Variants in KLRF2 observed in about 807,000 individuals in gnomAD.
KLRF2 encodes killer cell lectin-like receptor subfamily F member 2.
A neutral mutation model predicts 25.3 loss-of-function variants in KLRF2; 28 were observed. That is an observed-to-expected ratio of 1.11 (90% confidence interval 0.82 to 1.52). The LOEUF is 1.52. Among genes scored for constraint, KLRF2 ranks in the 40% most tolerant of loss-of-function variants. The pLI is 0.00. For missense variants in KLRF2, 265 were observed against 245.8 expected (o/e 1.08, Z -0.52); for synonymous variants, 73 against 85.0 (o/e 0.86, Z 0.78).
rs755840727 is a variant in KLRF2 at position 9,888,735 on chromosome 12, A to T, written c.172A>T (p.Lys58Ter). 2 of 1,487,020 alleles carry T rather than the reference A, an allele frequency of 1.3e-6. No individual in the cohort carries two copies. Among genetic ancestry groups the T allele is most frequent in the African/African-American group, 1.4e-5 (1 of 72,302 alleles). 92.1% of individuals were successfully genotyped at this position (1,487,020 alleles called of 1,614,324 possible). The stretch of plus-strand genomic sequence containing the variant: ...TCTTTTCTTTGCACTGAGTACAGAT[A>T]AAAAAATGGATTTCTCCCAGAATGT... ...MTGIDLKFWH[K>*]KMDFSQNVNV... The change falls in exon 3 of 6, where the codon AAA becomes TAA. Residue 58 changes from lysine (K) to a stop codon, truncating the protein, a stop_gained and splice_region_variant. Coordinates refer to ENST00000535540, the MANE Select transcript of KLRF2 (RefSeq NM_001190765.1). LOFTEE classifies it high-confidence loss of function.
intron 3 of KLRF2, among the ~76,000 whole-genome samples, chr12:9,892,688 G>A (rs368336944): frequency 6.8e-6 from 1 of 148,028 alleles, no homozygotes; most frequent in Non-Finnish European, 1.5e-5. Flanking sequence ...AGGTTCAAGC[G>A]ATTCTCCTGC....
intron 3 of KLRF2, among the ~76,000 whole-genome samples, chr12:9,889,754 C>T (rs1862651750): frequency 6.6e-6 from 1 of 151,560 alleles, no homozygotes. Context: ...TACGGTAATA[C>T]AGTGTGGAGG....
At position 9,886,115 on chromosome 12, in the gene KLRF2, G is replaced by T. The variant is rs554517629; in HGVS notation, c.169+1083G>T. 3.9e-5 allele frequency among the ~76,000 whole-genome samples: 6 copies of T among 152,160 alleles called. No homozygotes were observed. In the South Asian group the frequency reaches 1.2e-3, roughly 31 times the overall value. On this transcript the variant is annotated intron_variant, in intron 2 of 5. Coordinates refer to ENST00000535540, the MANE Select transcript of KLRF2 (RefSeq NM_001190765.1). ...TTTTAAAGAAAAACGCTATTGAGAA[G>T]AAATCAATGAAATTTGACATGTTGA...
intron 2 of KLRF2, among the ~76,000 whole-genome samples, chr12:9,885,646 T>TATTGGGCA (rs1862585934): frequency 6.6e-6 from 1 of 152,012 alleles, no homozygotes; most frequent in South Asian, 2.1e-4. Context: ...TCCATATTTG[T>TATTGGGCA]ATTGGGCAAT....
intron 3 of KLRF2, among the ~76,000 whole-genome samples, chr12:9,889,484 A>T (rs946378494): frequency 6.6e-6 from 1 of 152,146 alleles, no homozygotes; most frequent in Non-Finnish European, 1.5e-5. Flanking sequence ...AGGTCCCCAA[A>T]GGAAGAGGAA....
chr12:9,881,624 T>A lies in KLRF2; in HGVS notation c.29T>A (p.Leu10Gln). Residue 10 changes from leucine (L) to glutamine (Q), a missense_variant, in exon 1 of 6, where the codon CTG (leucine) becomes CAG (glutamine). Leu to Gln is a moderately radical substitution (Grantham distance 113). Coordinates refer to ENST00000535540, the MANE Select transcript of KLRF2 (RefSeq NM_001190765.1). ...GAGAATGAAGATGGGTATATGACGCTGAGTTTCAAGAATCGTTGTAAATCG... is the reference window on the plus strand; with the variant it reads ...GAGAATGAAGATGGGTATATGACGCAGAGTTTCAAGAATCGTTGTAAATCG... MENEDGYMT[L>Q]SFKNRCKSKQ... is the part of the protein sequence containing the mutation. 1 of 1,535,480 alleles carries A rather than the reference T, an allele frequency of 6.5e-7. No individual in the cohort carries two copies.
At chr12:9,888,383 G>A (rs376044734) in intron 2 of KLRF2, among the ~76,000 whole-genome samples, 6 of 151,842 alleles carry the variant, frequency 4.0e-5, no homozygotes, top group African/African-American at 7.3e-5. Flanking sequence ...CCATATGCTC[G>A]GGAGGCTGAG....
At chr12:9,884,772 CCTTGGTTTGGGATT>C (rs1284624290) in intron 1 of KLRF2, among the ~76,000 whole-genome samples, 148 bp from the exon 2 acceptor site, 1 of 151,214 alleles carries the variant, frequency 6.6e-6, no homozygotes, top group Non-Finnish European at 1.5e-5. Flanking sequence ...AGTAGTATCT[CCTTGGTTTGGGATT>C]CTAGACTTTT....
rs114159936 is a variant in KLRF2 at position 9,895,595 on chromosome 12, A to G, written c.480-94A>G. 1.9e-3 allele frequency: 2,308 copies of G among 1,198,492 alleles called. 27 individuals are homozygous for G. The African/African-American group carries it at 0.031, about 16-fold the overall frequency. 74.2% of individuals were successfully genotyped at this position (1,198,492 alleles called of 1,614,324 possible). On this transcript the variant is annotated intron_variant, in intron 5 of 5. Transcript: ENST00000535540. ...ACCTCTGCAAAACTTTGGCTGCTGA[A>G]GAATTACCTATAAAAGTTTGGCTGG...
At chr12:9,886,819 T>C (rs1862604467) in intron 2 of KLRF2, among the ~76,000 whole-genome samples, 1 of 147,870 alleles carries the variant, frequency 6.8e-6, no homozygotes, top group Non-Finnish European at 1.5e-5. Context: ...GATATATAGA[T>C]AGAGCCAGGT....
intron 3 of KLRF2, among the ~76,000 whole-genome samples, chr12:9,891,608 T>C (rs1862676945): frequency 6.6e-6 from 1 of 152,208 alleles, no homozygotes; most frequent in Admixed American, 6.5e-5. Context: ...TTTTATACCT[T>C]TTAGCAAACA....
chr12:9,892,921 T>C, intron 3 of KLRF2, 99 bp from the exon 4 acceptor site: 1 of 1,077,132 alleles, frequency 9.3e-7, no homozygotes, highest in Non-Finnish European at 1.3e-6. Context: ...AAAAAATGAG[T>C]TGGAAAAATC....
At position 9,881,542 on chromosome 12, in the gene KLRF2, T is replaced by C; in HGVS notation, c.-54T>C. The C allele has an allele frequency of 7.7e-7, 1 of 1,292,356 alleles. No individual in the cohort carries two copies. Among genetic ancestry groups the C allele is most frequent in the Non-Finnish European group, 1.1e-6 (1 of 927,822 alleles). The allele number at this position is 1,292,356 out of a possible 1,614,324, so 80.1% of individuals were successfully genotyped here. A position where few individuals can be genotyped will look rare whatever the true frequency, so the allele number is the denominator to read the frequency against. On this transcript the variant is annotated 5_prime_UTR_variant, in exon 1 of 6. Coordinates refer to ENST00000535540, the MANE Select transcript of KLRF2 (RefSeq NM_001190765.1). Reference sequence around the variant, plus strand: ...AGACATATCCAAGGTTGAGATTAGTTTCCATTTTCTTTGTACTATTTTCTG... The same window carrying C: ...AGACATATCCAAGGTTGAGATTAGTCTCCATTTTCTTTGTACTATTTTCTG...
intron 3 of KLRF2, among the ~76,000 whole-genome samples, chr12:9,891,280 G>C (rs534057957): frequency 6.6e-6 from 1 of 152,266 alleles, no homozygotes; most frequent in South Asian, 2.1e-4. Context: ...GATATAAAGA[G>C]TTGCTCAATA....
At chr12:9,895,592 T>C in intron 5 of KLRF2, 97 bp from the exon 6 acceptor site, 1 of 1,174,540 alleles carries the variant, frequency 8.5e-7, no homozygotes. Context: ...CTTTGGCTGC[T>C]GAAGAATTAC....
chr12:9,889,702 A>G (rs1862651274), intron 3 of KLRF2, among the ~76,000 whole-genome samples: 1 of 151,762 alleles, frequency 6.6e-6, no homozygotes, highest in Admixed American at 6.6e-5. Context: ...ACATATATAC[A>G]TATATGTAAA....
intron 2 of KLRF2, among the ~76,000 whole-genome samples, chr12:9,886,839 G>T (rs1862604751): frequency 6.6e-6 from 1 of 150,974 alleles, no homozygotes; most frequent in Non-Finnish European, 1.5e-5. Flanking sequence ...TAGAGCTCCT[G>T]ATTTATGGAC....
At chr12:9,890,031 C>T (rs1442132619) in intron 3 of KLRF2, among the ~76,000 whole-genome samples, 1 of 151,906 alleles carries the variant, frequency 6.6e-6, no homozygotes, top group African/African-American at 2.4e-5. Context: ...TAAAACAGCA[C>T]CAATAATTAT....
At chr12:9,888,881 C>A in intron 3 of KLRF2, 101 bp downstream of exon 3, 1 of 623,166 alleles carries the variant, frequency 1.6e-6, no homozygotes, top group Non-Finnish European at 2.8e-6. Context: ...AAGCCAACAG[C>A]ACTGGTGGAG....
Sources: gnomAD v4.1 joint callset for allele counts (sites outside exome capture counted in the v4.1 genomes callset) on GRCh38, gnomAD v4.1.1 for gene constraint, MANE v1.5 for transcripts, NCBI Gene and HGNC (gene_info 2026-07-23, HGNC 2026-07-21) for gene names.